LHFPL2: variants seen among roughly 807,000 people sequenced by gnomAD.
The protein encoded by LHFPL2 is LHFPL tetraspan subfamily member 2 protein.
LHFPL2 carries 7 observed loss-of-function variants against 17.5 expected under a neutral mutation model. The ratio of observed to expected loss-of-function variants is 0.40; its 90% CI spans 0.23 to 0.75. LHFPL2 has a LOEUF of 0.75. Ranked by LOEUF, LHFPL2 falls within the 30% of genes least tolerant of loss-of-function variation. The probability of loss-of-function intolerance (pLI) is 0.37; values close to 1 mark genes in which losing one functional copy is unlikely to be tolerated. For missense variants in LHFPL2, 241 were observed against 294.8 expected (o/e 0.82, Z 1.34); for synonymous variants, 134 against 116.2 (o/e 1.15, Z -0.99).
chr5:78,576,428 C>T (rs2112434399), intron 2 of LHFPL2, among the ~76,000 whole-genome samples: 1 of 152,314 alleles, frequency 6.6e-6, no homozygotes, highest in Non-Finnish European at 1.5e-5. Context: ...GCTCTCCTGT[C>T]CGCTGAGCAC....
chr5:78,621,199 G>C (rs887114295), intron 2 of LHFPL2, among the ~76,000 whole-genome samples: 5 of 152,146 alleles, frequency 3.3e-5, no homozygotes, highest in Non-Finnish European at 5.9e-5. Flanking sequence ...GTATTCAGTG[G>C]TTCCCAAATG....
At position 78,579,683 on chromosome 5, in the gene LHFPL2, T is replaced by C. The variant is rs549589080; in HGVS notation, c.-244-14812A>G. On this transcript the variant is annotated intron_variant, in intron 2 of 4. Transcript: ENST00000380345. ...CAAAGGACATGAACTCATCATTTTTTATGGCTGCATAGTATTCCATGGTGT... is the reference window on the plus strand; with the variant it reads ...CAAAGGACATGAACTCATCATTTTTCATGGCTGCATAGTATTCCATGGTGT... 2.0e-5 allele frequency among the ~76,000 whole-genome samples: 3 copies of C among 152,332 alleles called. No homozygotes were observed. The South Asian group carries it at 6.2e-4, about 32-fold the overall frequency.
At chr5:78,550,369 AG>A (rs1324417303) in intron 3 of LHFPL2, among the ~76,000 whole-genome samples, 2 of 152,144 alleles carry the variant, frequency 1.3e-5, no homozygotes, top group African/African-American at 4.8e-5. Flanking sequence ...ACTCAAACCA[AG>A]GATTCAGGCC....
intron 2 of LHFPL2, among the ~76,000 whole-genome samples, chr5:78,630,268 T>A (rs1026617812): frequency 1.3e-5 from 2 of 152,138 alleles, no homozygotes; most frequent in Non-Finnish European, 2.9e-5. Flanking sequence ...GCCGGCACTC[T>A]CCCTGCATGG....
intron 3 of LHFPL2, among the ~76,000 whole-genome samples, chr5:78,519,589 T>C (rs1208829971): frequency 6.6e-6 from 1 of 152,182 alleles, no homozygotes; most frequent in Non-Finnish European, 1.5e-5. Flanking sequence ...TAGGTGAAAT[T>C]GGGCCCGTGT....
intron 3 of LHFPL2, among the ~76,000 whole-genome samples, chr5:78,534,693 G>A (rs776428279): frequency 1.1e-4 from 16 of 152,200 alleles, no homozygotes; most frequent in African/African-American, 3.4e-4. Flanking sequence ...CTTCCAGTCC[G>A]TCACCGAAGG....
In LHFPL2 at chr5:78,510,108, C is replaced by T; in HGVS notation, c.106G>A (p.Gly36Arg). 1.2e-6 allele frequency: 2 copies of T among 1,613,152 alleles called. No homozygotes were observed. Among genetic ancestry groups the T allele is most frequent in the Non-Finnish European group, 8.5e-7 (1 of 1,179,532 alleles). The change falls in exon 4 of 5, where the codon GGG becomes AGG. Residue 36 changes from glycine (G) to arginine (R), a missense_variant. Transcript: ENST00000380345. ...IAFMSADWLI[G>R]KARSRGGVEP... is the part of the protein sequence containing the mutation. ...ACGCCGCCGCGGCTCCTCGCTTTCCCGATCAGCCAGTCTGCACTCATGAAG... is the reference window on the plus strand; with the variant it reads ...ACGCCGCCGCGGCTCCTCGCTTTCCTGATCAGCCAGTCTGCACTCATGAAG...
At chr5:78,514,849 G>A (rs567060212) in intron 3 of LHFPL2, among the ~76,000 whole-genome samples, 3 of 152,212 alleles carry the variant, frequency 2.0e-5, no homozygotes, top group African/African-American at 2.4e-5. Flanking sequence ...TTTTATGAAC[G>A]TTTTCAAACA....
intron 2 of LHFPL2, among the ~76,000 whole-genome samples, chr5:78,616,227 C>T (rs571906728): frequency 1.2e-4 from 19 of 152,178 alleles, no homozygotes; most frequent in Non-Finnish European, 2.4e-4. Flanking sequence ...TTCGGGTTCA[C>T]GCCATTCTTC....
chr5:78,644,176 C>A (rs1745781578), intron 1 of LHFPL2: 11 of 564,942 alleles, frequency 1.9e-5, no homozygotes, highest in Admixed American at 9.7e-5. Context: ...GTTACATAGT[C>A]TTCCATTTCA....
At chr5:78,546,636 C>T (rs546458958) in intron 3 of LHFPL2, among the ~76,000 whole-genome samples, 2 of 152,358 alleles carry the variant, frequency 1.3e-5, no homozygotes, top group South Asian at 2.1e-4. Context: ...TAGAACACCA[C>T]AATCTGGCAG....
Position 78,527,802 on chromosome 5 carries a change from C to T in LHFPL2, c.-185-17404G>A, listed in dbSNP as rs182520740. 2.3e-3 allele frequency among the ~76,000 whole-genome samples: 347 copies of T among 152,318 alleles called. 5 individuals are homozygous for T. The highest frequency in any genetic ancestry group is 0.02 in the Admixed American group (299 of 15,312). ...GAAAATTAGCTACCCATCTTGGTCC[C>T]CACCCTACCCCAAGCTTTATTTATT... On this transcript the variant is annotated intron_variant, in intron 3 of 4. Coordinates refer to ENST00000380345, the MANE Select transcript of LHFPL2 (RefSeq NM_005779.3).
At chr5:78,610,250 G>A (rs1744372028) in intron 2 of LHFPL2, among the ~76,000 whole-genome samples, 1 of 152,204 alleles carries the variant, frequency 6.6e-6, no homozygotes, top group Non-Finnish European at 1.5e-5. Context: ...CAGGAATGCA[G>A]GGTCCTCATT....
chr5:78,636,716 G>T (rs906813490), intron 1 of LHFPL2, among the ~76,000 whole-genome samples: 31 of 151,984 alleles, frequency 2.0e-4, no homozygotes, highest in African/African-American at 7.5e-4. Flanking sequence ...CTTCTCTACA[G>T]AGGCCCAAAG....
chr5:78,636,488 G>T (rs1178263247), intron 1 of LHFPL2, among the ~76,000 whole-genome samples: 2 of 152,172 alleles, frequency 1.3e-5, no homozygotes, highest in Non-Finnish European at 2.9e-5. Flanking sequence ...GATGGATCCT[G>T]CATCTTTAGG....
intron 3 of LHFPL2, among the ~76,000 whole-genome samples, chr5:78,523,763 T>C (rs1006097666): frequency 6.6e-6 from 1 of 152,184 alleles, no homozygotes; most frequent in Non-Finnish European, 1.5e-5. Context: ...TTCAAAATGT[T>C]GCGCGCTGCA....
intron 3 of LHFPL2, among the ~76,000 whole-genome samples, chr5:78,546,789 CT>C (rs1295383459): frequency 6.6e-6 from 1 of 152,166 alleles, no homozygotes. Context: ...TAGTGCTTTG[CT>C]TTTGGCTGCT....
intron 2 of LHFPL2, among the ~76,000 whole-genome samples, chr5:78,572,365 T>A (rs1757019280): frequency 6.6e-6 from 1 of 152,042 alleles, no homozygotes; most frequent in African/African-American, 2.4e-5. Context: ...ATGTGAAATA[T>A]CTGAGCTATC....
At chr5:78,529,219 A>G (rs1755708199) in intron 3 of LHFPL2, among the ~76,000 whole-genome samples, 1 of 152,138 alleles carries the variant, frequency 6.6e-6, no homozygotes, top group African/African-American at 2.4e-5. Flanking sequence ...CCAGGGGTTC[A>G]AGGCTGCAGT....
Sources: gnomAD v4.1 joint callset for allele counts (sites outside exome capture counted in the v4.1 genomes callset) on GRCh38, gnomAD v4.1.1 for gene constraint, MANE v1.5 for transcripts, NCBI Gene and HGNC (gene_info 2026-07-23, HGNC 2026-07-21) for gene names.